Variants in MXRA8 observed in about 807,000 individuals in gnomAD.
MXRA8 encodes the protein matrix remodeling-associated protein 8.
Under a neutral mutation model 51.4 loss-of-function variants are expected in MXRA8, and 44 were observed. The observed-to-expected ratio is 0.86, with a 90% CI of 0.67 to 1.10. MXRA8 has a LOEUF of 1.10. Among genes scored for constraint, MXRA8 ranks in the 50% least tolerant of loss-of-function variants. The pLI is 0.00. For missense variants in MXRA8, 765 were observed against 638.9 expected (o/e 1.20, Z -2.13); for synonymous variants, 369 against 293.5 (o/e 1.26, Z -2.63).
chr1:1,355,287 G>C lies in MXRA8; in HGVS notation c.435C>G (p.His145Gln), dbSNP rs151108412. 1.3e-6 allele frequency: 2 copies of C among 1,578,056 alleles called. No homozygotes were observed. The highest frequency in any genetic ancestry group is 1.7e-6 in the Non-Finnish European group (2 of 1,165,842). ...GGCGGACGGCCAGGCTCTCGTAGAG[G>C]TGGCAGTAGTGATGGTGCAGGTTGC... The part of the protein sequence containing the change: ...YTCNLHHHYC[H>Q]LYESLAVRLE... The change falls in exon 4 of 10, where the codon CAC (histidine) becomes CAG (glutamine). Residue 145 changes from histidine (H) to glutamine (Q), a missense_variant. Physicochemically the swap from His to Gln is conservative, Grantham distance 24. Transcript: ENST00000309212.
chr1:1,361,708 C>T (rs1430556918), upstream of MXRA8: 1 of 190,600 alleles, frequency 5.2e-6, no homozygotes, highest in Admixed American at 5.4e-5. Context: ...ACAGTTTTCC[C>T]TGCGTGGGGC....
chr1:1,358,995 G>A (rs143070056), upstream of MXRA8: 5 of 985,428 alleles, frequency 5.1e-6, no homozygotes, highest in East Asian at 1.1e-4. Context: ...CCCCACCCAC[G>A]GTGCACGCTG....
Position 1,353,497 on chromosome 1 carries a change from G to C in MXRA8, c.*107C>G. The C allele has an allele frequency of 6.6e-7, 1 of 1,508,174 alleles. No homozygotes were observed. Among genetic ancestry groups the C allele is most frequent in the East Asian group, 2.5e-5 (1 of 40,348 alleles). 93.4% of individuals were successfully genotyped at this position (1,508,174 alleles called of 1,614,324 possible). A position where few individuals can be genotyped will look rare whatever the true frequency, so the allele number is the denominator to read the frequency against. Reference sequence around the variant, plus strand: ...GCCCAGGCCAAATTCCAGGAAAGCGGGACCAGCCGCTGGAAGGGGGGTGAG... The same window carrying C: ...GCCCAGGCCAAATTCCAGGAAAGCGCGACCAGCCGCTGGAAGGGGGGTGAG... On this transcript the variant is annotated 3_prime_UTR_variant, in exon 10 of 10. Transcript: ENST00000309212.
chr1:1,360,473 G>A (rs1175985804), upstream of MXRA8, among the ~76,000 whole-genome samples: 1 of 96,186 alleles, frequency 1.0e-5, no homozygotes, highest in Non-Finnish European at 2.0e-5. Flanking sequence ...CACCTTCCTG[G>A]GCTGGGACTG....
chr1:1,361,438 C>G (rs2765024), upstream of MXRA8: 610,265 of 634,482 alleles, frequency 0.96, 293,775 homozygotes, highest in African/African-American at 0.99. Flanking sequence ...AGACAGGGGT[C>G]GGGGGGCGCC....
Position 1,353,136 on chromosome 1 carries a change from T to C in MXRA8, c.*468A>G. ...GGAGGAGTGGGACTCCTGCCGAGGCTGACCCCAACTTCAAGGCTGCCAAGT... is the reference window on the plus strand; with the variant it reads ...GGAGGAGTGGGACTCCTGCCGAGGCCGACCCCAACTTCAAGGCTGCCAAGT... On this transcript the variant is annotated 3_prime_UTR_variant, in exon 10 of 10. Coordinates refer to ENST00000309212, the MANE Select transcript of MXRA8 (RefSeq NM_032348.4). The C allele has an allele frequency of 1.2e-6, 1 of 801,870 alleles. No individual in the cohort carries two copies. 49.7% of individuals were successfully genotyped at this position (801,870 alleles called of 1,614,324 possible).
In MXRA8 at chr1:1,356,709, AAGGAG is replaced by A; in HGVS notation, c.50-10_50-6del. ...AGTGCAGGAGAACAGCAGAGCCTGGAAGGAGAGGAGTGAGCTGGAGAGGCCACCCA... is the reference window on the plus strand; with the variant it reads ...AGTGCAGGAGAACAGCAGAGCCTGGAAGGAGTGAGCTGGAGAGGCCACCCA... On this transcript the variant is annotated splice_polypyrimidine_tract_variant and splice_region_variant and intron_variant, in intron 1 of 9. Coordinates refer to ENST00000309212, the MANE Select transcript of MXRA8 (RefSeq NM_032348.4). 1 of 1,430,790 alleles carries A rather than the reference AAGGAG, an allele frequency of 7.0e-7. No homozygotes were observed. Among genetic ancestry groups the A allele is most frequent in the Non-Finnish European group, 9.2e-7 (1 of 1,081,886 alleles). The allele number at this position is 1,430,790 out of a possible 1,614,324, so 88.6% of individuals were successfully genotyped here.
Position 1,355,754 on chromosome 1 carries a change from T to C in MXRA8, c.74-2A>G. On this transcript the variant is annotated splice_acceptor_variant, in intron 2 of 9. Coordinates refer to ENST00000309212, the MANE Select transcript of MXRA8 (RefSeq NM_032348.4). LOFTEE classifies it high-confidence loss of function. ...CAGCAGCGGCGGGTACCGAGGACCCTGGTGGGGGAGGGGAGTCGGTGGGGG... is the reference window on the plus strand; with the variant it reads ...CAGCAGCGGCGGGTACCGAGGACCCCGGTGGGGGAGGGGAGTCGGTGGGGG... 1 of 1,011,946 alleles carries C rather than the reference T, an allele frequency of 9.9e-7. No individual in the cohort carries two copies. Among genetic ancestry groups the C allele is most frequent in the Non-Finnish European group, 1.2e-6 (1 of 853,850 alleles). The allele number at this position is 1,011,946 out of a possible 1,614,324, so 62.7% of individuals were successfully genotyped here.
At chr1:1,356,734 C>G (rs760802710) in intron 1 of MXRA8, 30 bp from the exon 2 acceptor site, 6 of 1,390,170 alleles carry the variant, frequency 4.3e-6, no homozygotes, top group Non-Finnish European at 5.7e-6. Flanking sequence ...CTGGAGAGGC[C>G]ACCCACAGCC....
chr1:1,354,577 GC>G, intron 5 of MXRA8, 68 bp from the exon 6 acceptor site: 3 of 1,570,018 alleles, frequency 1.9e-6, no homozygotes, highest in Non-Finnish European at 1.7e-6. Flanking sequence ...CCGGGCCACG[GC>G]CCCCGCTGGG....
chr1:1,353,345 T>C lies in MXRA8; in HGVS notation c.*259A>G. 1 of 1,548,504 alleles carries C rather than the reference T, an allele frequency of 6.5e-7. No homozygotes were observed. The highest frequency in any genetic ancestry group is 8.7e-7 in the Non-Finnish European group (1 of 1,146,002). ...AGCCCAGAAGGGTCTGAGGGCATGA[T>C]GGGCATCAGTGGGATTTTGGTTGTG... is the stretch of plus-strand genomic sequence containing the variant. On this transcript the variant is annotated 3_prime_UTR_variant, in exon 10 of 10. Transcript: ENST00000309212.
rs1173077754 is a variant in MXRA8, at chr1:1,353,271, TTC to T, written c.*331_*332del. 1.3e-6 allele frequency: 2 copies of T among 1,538,416 alleles called. No individual in the cohort carries two copies. The highest frequency in any genetic ancestry group is 3.9e-5 in the Admixed American group (2 of 50,964). ...TGACCCCAGTTTTGGGGCTGCCAGG[TTC>T]TGATGGGAGTGTCCTCCAGGAATGT... On this transcript the variant is annotated 3_prime_UTR_variant, in exon 10 of 10. Coordinates refer to ENST00000309212, the MANE Select transcript of MXRA8 (RefSeq NM_032348.4).
chr1:1,354,215 G>A lies in MXRA8; in HGVS notation c.1123C>T (p.Gln375Ter). 6.2e-7 allele frequency: 1 copy of A among 1,612,628 alleles called. No homozygotes were observed. Among genetic ancestry groups the A allele is most frequent in the South Asian group, 1.1e-5 (1 of 91,062 alleles). Residue 375 changes from glutamine (Q) to a stop codon, truncating the protein, a stop_gained, in exon 7 of 10, where the codon CAG (glutamine) becomes TAG (stop). Coordinates refer to ENST00000309212, the MANE Select transcript of MXRA8 (RefSeq NM_032348.4). LOFTEE classifies it high-confidence loss of function. ...RRRGGYEYSD[Q>*]KSGKSKGKDV... ...CACCCCTTTGACTTTCCCGACTTCTGGTCCGAGTATTCGTAGCCTGGGAAG... is the reference window on the plus strand; with the variant it reads ...CACCCCTTTGACTTTCCCGACTTCTAGTCCGAGTATTCGTAGCCTGGGAAG...
In MXRA8 at chr1:1,354,368, C is replaced by T; in HGVS notation, c.1091G>A (p.Arg364His). 6.2e-7 allele frequency: 1 copy of T among 1,611,144 alleles called. No individual in the cohort carries two copies. The stretch of plus-strand genomic sequence containing the variant: ...GGCAGCCTCACCTCCGCGGCGCCTG[C>T]GGGCGGCCAGGAGGACAGTGACCAG... ...LLLVTVLLAA[R>H]RRRGGYEYSD... is the part of the protein sequence containing the mutation. Residue 364 changes from arginine (R) to histidine (H), a missense_variant, in exon 6 of 10, where the codon CGC becomes CAC. Coordinates refer to ENST00000309212, the MANE Select transcript of MXRA8 (RefSeq NM_032348.4).
intron 7 of MXRA8, 41 bp from the exon 8 acceptor site, chr1:1,354,147 TG>T (rs773159978): frequency 1.2e-6 from 2 of 1,612,424 alleles, no homozygotes; most frequent in Non-Finnish European, 1.7e-6. Flanking sequence ...CTGGGTGGGG[TG>T]AAGGGGGCCC....
upstream of MXRA8, among the ~76,000 whole-genome samples, chr1:1,362,148 C>T (rs1413178288): frequency 2.6e-5 from 4 of 152,162 alleles, no homozygotes; most frequent in East Asian, 1.9e-4. Context: ...CCTGCAGCCC[C>T]GAGGAGGCAG....
intron 1 of MXRA8, among the ~76,000 whole-genome samples, chr1:1,357,791 CGA>C (rs1186575259): frequency 9.2e-5 from 14 of 152,106 alleles, no homozygotes; most frequent in Admixed American, 8.5e-4. Context: ...GCCTCCTTGG[CGA>C]GAGAGAAACT....
chr1:1,355,117 C>T lies in MXRA8; in HGVS notation c.514G>A (p.Glu172Lys), dbSNP rs746947167. The T allele has an allele frequency of 2.0e-6, 3 of 1,508,382 alleles. No individual in the cohort carries two copies. In the South Asian group the frequency reaches 3.9e-5, roughly 20 times the overall value. The allele number at this position is 1,508,382 out of a possible 1,614,324, so 93.4% of individuals were successfully genotyped here. A position where few individuals can be genotyped will look rare whatever the true frequency, so the allele number is the denominator to read the frequency against. The change falls in exon 5 of 10, where the codon GAG (glutamate) becomes AAG (lysine). Residue 172 changes from glutamate to lysine, a missense_variant. By Grantham distance (56) the Glu-to-Lys change is moderately conservative. Transcript: ENST00000309212. The stretch of plus-strand genomic sequence containing the variant: ...GCGCCGCGCGCCACCGCCAGCACCT[C>T]CTTCTCGCCGTCCCAGTAGGCGGGG... ...ATPAYWDGEK[E>K]VLAVARGAPA...
At chr1:1,363,091 AAAAG>A (rs1211446592), upstream of MXRA8, among the ~76,000 whole-genome samples, 6 of 152,136 alleles carry the variant, frequency 3.9e-5, no homozygotes, top group East Asian at 7.7e-4. Flanking sequence ...CAAAAAAAAA[AAAAG>A]AAAGGAGTGA....
Sources: gnomAD v4.1 joint callset for allele counts (sites outside exome capture counted in the v4.1 genomes callset) on GRCh38, gnomAD v4.1.1 for gene constraint, MANE v1.5 for transcripts, NCBI Gene and HGNC (gene_info 2026-07-23, HGNC 2026-07-21) for gene names.